RNF141: variants seen among roughly 807,000 people sequenced by gnomAD.
RNF141 encodes C3HC4-like zinc finger protein.
RNF141 carries 18 observed loss-of-function variants against 27.4 expected under a neutral mutation model. The ratio of observed to expected loss-of-function variants is 0.66; its 90% CI spans 0.45 to 0.97. The LOEUF (loss-of-function observed/expected upper bound fraction) is 0.97. Ranked by LOEUF, RNF141 falls within the 50% of genes least tolerant of loss-of-function variation. RNF141 has a pLI of 0.00. For missense variants in RNF141, 230 were observed against 279.4 expected (o/e 0.82, Z 1.26); for synonymous variants, 97 against 96.6 (o/e 1.00, Z -0.02).
At chr11:10,523,745 G>T (rs1323215626) in intron 4 of RNF141, among the ~76,000 whole-genome samples, 6 of 151,976 alleles carry the variant, frequency 3.9e-5, no homozygotes, top group African/African-American at 9.7e-5. Flanking sequence ...ACTGTAACAA[G>T]AAAAAAACAA....
At chr11:10,524,404 T>TA (rs113389401) in intron 4 of RNF141, among the ~76,000 whole-genome samples, 2,137 of 145,530 alleles carry the variant, frequency 0.015, 26 homozygotes, top group East Asian at 0.041. Context: ...CCGCCTCAAT[T>TA]AAAAAAAAAA....
chr11:10,524,477 T>C (rs1397323072), intron 4 of RNF141, among the ~76,000 whole-genome samples: 1 of 152,234 alleles, frequency 6.6e-6, no homozygotes, highest in Non-Finnish European at 1.5e-5. Context: ...AGATTTCTGC[T>C]ATCTACCCAG....
At chr11:10,517,537 A>C (rs992350402) in intron 5 of RNF141, 3 of 152,130 alleles carry the variant, frequency 2.0e-5, no homozygotes, top group African/African-American at 7.2e-5. Flanking sequence ...AAGCACAAGA[A>C]ACATGAAAAA....
intron 4 of RNF141, among the ~76,000 whole-genome samples, chr11:10,521,157 T>C (rs1265085408): frequency 1.3e-5 from 2 of 152,228 alleles, no homozygotes; most frequent in African/African-American, 4.8e-5. Flanking sequence ...CCATATACCT[T>C]TGCAGATGGT....
chr11:10,535,429 TAAATG>T (rs1338157309), intron 1 of RNF141, among the ~76,000 whole-genome samples: 3 of 109,024 alleles, frequency 2.8e-5, no homozygotes, highest in East Asian at 5.7e-4. Flanking sequence ...ATTATAGAGA[TAAATG>T]AAAGGAAGTT....
chr11:10,520,213 T>C (rs1849877376), intron 4 of RNF141, among the ~76,000 whole-genome samples: 1 of 152,088 alleles, frequency 6.6e-6, no homozygotes, highest in Non-Finnish European at 1.5e-5. Flanking sequence ...ATCTTTACTA[T>C]AGATTTTTAA....
At chr11:10,523,223 C>G (rs572085857) in intron 4 of RNF141, among the ~76,000 whole-genome samples, 1 of 152,312 alleles carries the variant, frequency 6.6e-6, no homozygotes, top group Non-Finnish European at 1.5e-5. Flanking sequence ...CAGGCTCCTC[C>G]TCAAAACCAC....
chr11:10,524,250 C>T (rs1237513989), intron 4 of RNF141, among the ~76,000 whole-genome samples: 3 of 152,070 alleles, frequency 2.0e-5, no homozygotes, highest in East Asian at 1.9e-4. Context: ...CCCGTCTCTA[C>T]TAAAAATACA....
chr11:10,523,231 C>G (rs1247514897), intron 4 of RNF141, among the ~76,000 whole-genome samples: 2 of 152,206 alleles, frequency 1.3e-5, no homozygotes, highest in Non-Finnish European at 2.9e-5. Context: ...TCCTCAAAAC[C>G]ACTGAGTAAT....
intron 1 of RNF141, among the ~76,000 whole-genome samples, chr11:10,534,551 T>C (rs1170060005): frequency 6.6e-6 from 1 of 152,136 alleles, no homozygotes; most frequent in Non-Finnish European, 1.5e-5. Flanking sequence ...CCTTCTATAA[T>C]TTTCCTAAGA....
chr11:10,528,053 T>G (rs1331131993), intron 3 of RNF141, among the ~76,000 whole-genome samples: 1 of 152,222 alleles, frequency 6.6e-6, no homozygotes, highest in East Asian at 1.9e-4. Context: ...AATCTCTTAT[T>G]TTTCTAATAT....
chr11:10,532,149 G>A (rs1341235883), intron 2 of RNF141: 1 of 238,784 alleles, frequency 4.2e-6, no homozygotes, highest in South Asian at 4.1e-5. Context: ...CAGGGTTTAT[G>A]AATATAAATT....
At chr11:10,515,903 T>C (rs1849839521) in intron 5 of RNF141, 1 of 152,200 alleles carries the variant, frequency 6.6e-6, no homozygotes. Context: ...TCATATATGA[T>C]CACTTAAATA....
chr11:10,528,863 A>C (rs7934688), intron 3 of RNF141, among the ~76,000 whole-genome samples: 10,809 of 152,236 alleles, frequency 0.071, 539 homozygotes, highest in African/African-American at 0.14. Flanking sequence ...TCAGGAGCTT[A>C]CTCTCTAAAG....
chr11:10,528,238 C>T (rs1849955479), intron 3 of RNF141, among the ~76,000 whole-genome samples: 1 of 151,992 alleles, frequency 6.6e-6, no homozygotes, highest in Non-Finnish European at 1.5e-5. Flanking sequence ...AAATGTGAAA[C>T]TCTCAATCTC....
At chr11:10,526,079 C>T (rs1357191407) in intron 3 of RNF141, among the ~76,000 whole-genome samples, 1 of 152,002 alleles carries the variant, frequency 6.6e-6, no homozygotes, top group Non-Finnish European at 1.5e-5. Context: ...AATGAAATGA[C>T]CGAGGCCAGT....
At chr11:10,524,345 G>C (rs1463558801) in intron 4 of RNF141, among the ~76,000 whole-genome samples, 1 of 152,114 alleles carries the variant, frequency 6.6e-6, no homozygotes, top group African/African-American at 2.4e-5. Flanking sequence ...AACCCGGGAG[G>C]CAGAGCTTGC....
chr11:10,514,088 A>G lies in RNF141; in HGVS notation c.*828T>C, dbSNP rs1849824220. 1 of 152,206 alleles carries G rather than the reference A, an allele frequency of 6.6e-6. No homozygotes were observed. The highest frequency in any genetic ancestry group is 2.1e-4 in the South Asian group (1 of 4,828). The allele number at this position is 152,206 out of a possible 1,614,324, so 9.4% of individuals were successfully genotyped here. ...ATTAAATGACCTATAGTAATTTAGA[A>G]ATATAAAATTTAGTATTTGTGATGC... On this transcript the variant is annotated 3_prime_UTR_variant, in exon 6 of 6. Transcript: ENST00000265981.
At chr11:10,523,331 G>C (rs1432319494) in intron 4 of RNF141, among the ~76,000 whole-genome samples, 1 of 152,230 alleles carries the variant, frequency 6.6e-6, no homozygotes, top group Non-Finnish European at 1.5e-5. Context: ...GCCTGAATGT[G>C]AGTCTTGGCT....
Sources: allele counts gnomAD v4.1 joint callset (sites outside exome capture counted in the v4.1 genomes callset), GRCh38; gene constraint gnomAD v4.1.1; transcripts MANE v1.5; gene names NCBI Gene and HGNC (gene_info 2026-07-23, HGNC 2026-07-21).